Variants in DNAH5 observed in about 807,000 individuals in gnomAD.
DNAH5 encodes the protein axonemal beta dynein heavy chain 5.
In DNAH5, 372 loss-of-function variants were observed where a neutral mutation model predicts 518.2. The ratio of observed to expected loss-of-function variants is 0.72; its 90% CI spans 0.66 to 0.78. The LOEUF (loss-of-function observed/expected upper bound fraction) is 0.78. Among genes scored for constraint, DNAH5 ranks in the 30% least tolerant of loss-of-function variants. DNAH5 has a pLI of 0.00. For missense variants in DNAH5, 5,523 were observed against 5,687.0 expected (o/e 0.97, Z 0.93); for synonymous variants, 2,039 against 2,025.9 (o/e 1.01, Z -0.17).
At position 13,872,265 on chromosome 5, in the gene DNAH5, C is replaced by T. The variant is rs111799661; in HGVS notation, c.3397-500G>A. Among the ~76,000 whole-genome samples, 535 of 152,188 alleles carry T rather than the reference C, an allele frequency of 3.5e-3. 4 individuals carry two copies. Among genetic ancestry groups the T allele is most frequent in the African/African-American group, 0.012 (514 of 41,536 alleles). On this transcript the variant is annotated intron_variant, in intron 22 of 78. Coordinates refer to ENST00000265104, the MANE Select transcript of DNAH5 (RefSeq NM_001369.3). ...TAGGTGGAGGGAATGGAGATTAGAT[C>T]TTAGGGGCATGAAGGACAAACAGAA...
chr5:13,823,458 G>T, intron 39 of DNAH5, 88 bp from the exon 40 acceptor site: 1 of 844,690 alleles, frequency 1.2e-6, no homozygotes, highest in Non-Finnish European at 2.0e-6. Flanking sequence ...AACACAGTCC[G>T]GGTTATTGCA....
chr5:13,840,393 C>G (rs1354334782), intron 34 of DNAH5, among the ~76,000 whole-genome samples: 1 of 152,130 alleles, frequency 6.6e-6, no homozygotes, highest in Non-Finnish European at 1.5e-5. Context: ...ACCTTGTTCT[C>G]TATTTAAAAG....
rs1433859526 is a variant in DNAH5 at position 13,758,902 on chromosome 5, G to C, written c.10363C>G (p.Gln3455Glu). Residue 3455 changes from glutamine to glutamate, a missense_variant, in exon 61 of 79, where the codon CAG becomes GAG. Transcript: ENST00000265104. ...GCCTGCACCACGTCAAGTTCCGCCT[G>C]CTTGTCATCCAACTCGGCCTGGGCT... The part of the protein sequence containing the change: ...QKAQAELDDK[Q>E]AELDVVQAEY... 3.1e-6 allele frequency: 5 copies of C among 1,614,164 alleles called. No individual in the cohort carries two copies. In the Admixed American group the frequency reaches 8.3e-5, roughly 27 times the overall value.
At chr5:13,767,562 C>G (rs966481263) in intron 58 of DNAH5, among the ~76,000 whole-genome samples, 7 of 152,140 alleles carry the variant, frequency 4.6e-5, no homozygotes, top group African/African-American at 1.4e-4. Context: ...AAAAATAGAA[C>G]AGCAGCCAGT....
chr5:13,714,281 G>A (rs1015856802), intron 75 of DNAH5, 124 bp downstream of exon 75: 5 of 1,068,844 alleles, frequency 4.7e-6, no homozygotes, highest in Admixed American at 2.0e-5. Context: ...TAAGAAGCTG[G>A]TTTTTAAAAG....
At position 13,691,896 on chromosome 5, in the gene DNAH5, C is replaced by T; in HGVS notation, c.*88G>A. The T allele has an allele frequency of 2.6e-6, 4 of 1,546,928 alleles. No individual in the cohort carries two copies. The South Asian group carries it at 3.4e-5, about 13-fold the overall frequency. ...TTAATTGCATAAACGACCTAACATACACTGTCCAGCAGTCATACAGAAATA... is the reference window on the plus strand; with the variant it reads ...TTAATTGCATAAACGACCTAACATATACTGTCCAGCAGTCATACAGAAATA... On this transcript the variant is annotated 3_prime_UTR_variant, in exon 79 of 79. Transcript: ENST00000265104.
At chr5:13,828,080 ATGAG>A (rs1320192235) in intron 38 of DNAH5, among the ~76,000 whole-genome samples, 2 of 152,248 alleles carry the variant, frequency 1.3e-5, no homozygotes, top group Admixed American at 6.5e-5. Flanking sequence ...TACAATAAGA[ATGAG>A]TGAGTAAGGG....
At chr5:13,944,980 C>T (rs1415567861), upstream of DNAH5, among the ~76,000 whole-genome samples, 3 of 152,200 alleles carry the variant, frequency 2.0e-5, no homozygotes, top group South Asian at 2.1e-4. Flanking sequence ...TTTGCAAGCA[C>T]GATGCACTGC....
At chr5:13,758,728 A>G (rs1580093664) in intron 61 of DNAH5, 118 bp downstream of exon 61, 1 of 1,436,200 alleles carries the variant, frequency 7.0e-7, no homozygotes, top group South Asian at 1.1e-5. Flanking sequence ...CTTGGTGTCC[A>G]TTATGTGCTA....
At chr5:13,874,313 A>G (rs1335828906) in intron 22 of DNAH5, among the ~76,000 whole-genome samples, 1 of 152,218 alleles carries the variant, frequency 6.6e-6, no homozygotes, top group Admixed American at 6.5e-5. Context: ...CAAGCTTATA[A>G]TATTAAGAAT....
At chr5:13,971,029 T>C (rs754964549) in intron 1 of DNAH5, among the ~76,000 whole-genome samples, 1 of 152,146 alleles carries the variant, frequency 6.6e-6, no homozygotes, top group Non-Finnish European at 1.5e-5. Context: ...TTAAAAGCCT[T>C]GTTTTCAAGC....
At chr5:13,993,860 G>A (rs752964814) in intron 1 of DNAH5, among the ~76,000 whole-genome samples, 2 of 152,174 alleles carry the variant, frequency 1.3e-5, no homozygotes, top group Non-Finnish European at 2.9e-5. Flanking sequence ...GATCCCAGAC[G>A]GCTAAGGGTG....
In DNAH5 at chr5:13,871,641, A is replaced by T; in HGVS notation, c.3521T>A (p.Leu1174His). Residue 1174 changes from leucine (L) to histidine (H), a missense_variant, in exon 23 of 79, where the codon CTC (leucine) becomes CAC (histidine). Physicochemically the swap from Leu to His is moderately conservative, Grantham distance 99 (BLOSUM62 -3). Transcript: ENST00000265104. ...PLLSEFESQI[L>H]YFQNLEQEIN... ...TTCCTGCTCTAGGTTTTGGAAATAG[A>T]GAATCTGGGACTCAAATTCAGAAAG... The T allele has an allele frequency of 6.2e-7, 1 of 1,613,834 alleles. No individual in the cohort carries two copies.
intron 35 of DNAH5, among the ~76,000 whole-genome samples, chr5:13,831,478 G>C (rs567661554): frequency 6.6e-6 from 1 of 152,196 alleles, no homozygotes; most frequent in African/African-American, 2.4e-5. Context: ...GTGCCGTGTA[G>C]GGTTTTCTTA....
chr5:13,989,096 G>C (rs936239963), intron 1 of DNAH5, among the ~76,000 whole-genome samples: 6 of 152,106 alleles, frequency 3.9e-5, no homozygotes, highest in African/African-American at 1.4e-4. Flanking sequence ...TGGTAAGCAG[G>C]GTCACTGGAG....
Position 13,840,909 on chromosome 5 carries a change from G to A in DNAH5, c.5706C>T (p.Asp1902=). ...IHVHQRDIFD[D]LCHMHIKSPM... is the part of the protein sequence containing the mutation. ...ACAGCATTTATAAAGAATTTACCAG[G>A]TCATCAAAGATATCCCTTTGGTGCA... Residue 1902 remains aspartate (D), a synonymous_variant, in exon 34 of 79, where the codon GAC becomes GAT. Coordinates refer to ENST00000265104, the MANE Select transcript of DNAH5 (RefSeq NM_001369.3). 6.2e-7 allele frequency: 1 copy of A among 1,612,442 alleles called. No homozygotes were observed. The highest frequency in any genetic ancestry group is 8.5e-7 in the Non-Finnish European group (1 of 1,178,518).
chr5:13,915,384 A>G (rs1390054263), intron 9 of DNAH5, among the ~76,000 whole-genome samples: 1 of 152,152 alleles, frequency 6.6e-6, no homozygotes, highest in Non-Finnish European at 1.5e-5. Context: ...GTTTTTTACA[A>G]TTAGATAAAT....
intron 78 of DNAH5, among the ~76,000 whole-genome samples, chr5:13,696,216 T>G (rs1407413458): frequency 2.0e-5 from 3 of 152,210 alleles, no homozygotes; most frequent in African/African-American, 7.2e-5. Context: ...AATGTTCCAA[T>G]CACGGTTTTC....
intron 1 of DNAH5, among the ~76,000 whole-genome samples, chr5:13,934,450 G>T (rs543093134): frequency 6.6e-6 from 1 of 152,258 alleles, no homozygotes; most frequent in South Asian, 2.1e-4. Flanking sequence ...ATAAATAATA[G>T]AGTAATTTTG....
Sources: gnomAD v4.1 joint callset for allele counts (sites outside exome capture counted in the v4.1 genomes callset) on GRCh38, gnomAD v4.1.1 for gene constraint, MANE v1.5 for transcripts, NCBI Gene and HGNC (gene_info 2026-07-23, HGNC 2026-07-21) for gene names.